Variants in LINGO2 observed in about 807,000 individuals in gnomAD.
LINGO2 encodes leucine-rich repeat and immunoglobulin-like domain-containing nogo receptor-interacting protein 2.
A neutral mutation model predicts 30.6 loss-of-function variants in LINGO2; 14 were observed. The observed-to-expected ratio is 0.46, with a 90% CI of 0.30 to 0.72. LINGO2 has a LOEUF of 0.72. Ranked by LOEUF, LINGO2 falls within the 30% of genes least tolerant of loss-of-function variation. The probability of loss-of-function intolerance (pLI) is 0.07; values close to 1 mark genes in which losing one functional copy is unlikely to be tolerated. For synonymous variants in LINGO2, 317 were observed against 288.5 expected, an observed-to-expected ratio of 1.10 and a Z score of -1.00; for missense variants, 729 against 751.7, an observed-to-expected ratio of 0.97 and a Z score of 0.35.
chr9:28,993,183 T>G, the LINGO2 span, among the ~76,000 whole-genome samples: 1 of 151,886 alleles, frequency 6.6e-6, no homozygotes. Context: ...ATAAAGGGGA[T>G]ATCACCACCA....
At chr9:28,318,186 A>G (rs980563332) in intron 3 of LINGO2, among the ~76,000 whole-genome samples, 4 of 152,198 alleles carry the variant, frequency 2.6e-5, no homozygotes, top group Non-Finnish European at 5.9e-5. Context: ...CTGTCCTTAT[A>G]AACACCTAAG....
intron 2 of LINGO2, among the ~76,000 whole-genome samples, chr9:28,474,690 T>C (rs1250542183): frequency 1.3e-5 from 2 of 152,198 alleles, no homozygotes; most frequent in African/African-American, 2.4e-5. Context: ...AAGGGTACTA[T>C]GAGAAGTCCT....
chr9:28,444,687 T>C (rs149162307), intron 2 of LINGO2, among the ~76,000 whole-genome samples: 26 of 152,272 alleles, frequency 1.7e-4, no homozygotes, highest in African/African-American at 6.0e-4. Context: ...AGTGGAAGTT[T>C]CTTGTGGTAT....
rs1031622427 is a variant in LINGO2, at chr9:28,295,329, T to A, written c.-208A>T. On this transcript the variant is annotated 5_prime_UTR_variant, in exon 4 of 6. The change abolishes an upstream ATG in the 5' untranslated region. Coordinates refer to ENST00000379992, the Ensembl canonical transcript of LINGO2. ...TTCCCGCATGTCATGGGCAGCAGCA[T>A]CTCTCAGAGTCCCACAAGCCAACTG... is the stretch of plus-strand genomic sequence containing the variant. 18 of 152,560 alleles carry A rather than the reference T, an allele frequency of 1.2e-4. No individual in the cohort carries two copies. Among genetic ancestry groups the A allele is most frequent in the Admixed American group, 7.9e-4 (12 of 15,252 alleles). 9.5% of individuals were successfully genotyped at this position (152,560 alleles called of 1,614,324 possible). A position where few individuals can be genotyped will look rare whatever the true frequency, so the allele number is the denominator to read the frequency against.
the LINGO2 span, among the ~76,000 whole-genome samples, chr9:29,043,347 T>G: frequency 1.3e-5 from 2 of 151,978 alleles, no homozygotes; most frequent in Non-Finnish European, 2.9e-5. Context: ...TTAGAATATC[T>G]TCTTCAATAT....
chr9:27,970,060 C>T (rs1415063057), intron 5 of LINGO2, among the ~76,000 whole-genome samples: 1 of 152,204 alleles, frequency 6.6e-6, no homozygotes, highest in East Asian at 1.9e-4. Flanking sequence ...TGCATGTTCT[C>T]AGCATGAAAA....
chr9:29,000,356 T>C, the LINGO2 span, among the ~76,000 whole-genome samples: 1 of 152,048 alleles, frequency 6.6e-6, no homozygotes, highest in South Asian at 2.1e-4. Context: ...AGTAAGTCAT[T>C]CCCAGAGTCT....
At chr9:28,095,830 C>G (rs1421865270) in intron 4 of LINGO2, among the ~76,000 whole-genome samples, 1 of 152,070 alleles carries the variant, frequency 6.6e-6, no homozygotes, top group Non-Finnish European at 1.5e-5. Context: ...GGGCTAACAT[C>G]AGAATCTACA....
the LINGO2 span, among the ~76,000 whole-genome samples, chr9:28,786,873 A>G: frequency 6.6e-6 from 1 of 152,182 alleles, no homozygotes; most frequent in African/African-American, 2.4e-5. Flanking sequence ...AGCAGGAACA[A>G]TGCTCAGAAA....
At chr9:28,637,352 G>A (rs1251369358) in intron 1 of LINGO2, among the ~76,000 whole-genome samples, 1 of 152,092 alleles carries the variant, frequency 6.6e-6, no homozygotes, top group African/African-American at 2.4e-5. Flanking sequence ...TGCCAATTCT[G>A]TGAAAAAAGT....
At chr9:28,699,180 A>G in the LINGO2 span, among the ~76,000 whole-genome samples, 4 of 152,010 alleles carry the variant, frequency 2.6e-5, no homozygotes, top group Admixed American at 2.6e-4. Context: ...TTAGTGTTAC[A>G]TTTTCTGTTG....
intron 4 of LINGO2, among the ~76,000 whole-genome samples, chr9:28,239,744 C>T (rs1464850820): frequency 6.6e-6 from 1 of 152,150 alleles, no homozygotes; most frequent in Non-Finnish European, 1.5e-5. Flanking sequence ...TGCTCACTTT[C>T]ACCATTGTTA....
intron 1 of LINGO2, among the ~76,000 whole-genome samples, chr9:28,615,866 T>C (rs1587964294): frequency 2.0e-5 from 3 of 152,132 alleles, no homozygotes; most frequent in African/African-American, 4.8e-5. Flanking sequence ...TTAAACAGCA[T>C]TGATGGATCT....
At chr9:28,861,867 G>A in the LINGO2 span, among the ~76,000 whole-genome samples, 1 of 151,944 alleles carries the variant, frequency 6.6e-6, no homozygotes, top group African/African-American at 2.4e-5. Flanking sequence ...TAAAGAAGTT[G>A]GGATTAAAAT....
At chr9:28,323,955 C>G (rs959262520) in intron 3 of LINGO2, among the ~76,000 whole-genome samples, 5 of 152,118 alleles carry the variant, frequency 3.3e-5, no homozygotes, top group Admixed American at 2.6e-4. Flanking sequence ...TCCAGGAAAC[C>G]TAACAGTACA....
intron 2 of LINGO2, among the ~76,000 whole-genome samples, chr9:28,374,204 TTTTA>T (rs74311913): frequency 0.15 from 13,259 of 87,354 alleles, 835 homozygotes; most frequent in Admixed American, 0.22. Context: ...AAAAATATGT[TTTTA>T]TTTATATATA....
At chr9:28,433,224 T>C (rs1166867948) in intron 2 of LINGO2, among the ~76,000 whole-genome samples, 1 of 152,098 alleles carries the variant, frequency 6.6e-6, no homozygotes, top group East Asian at 1.9e-4. Context: ...ATCTTGCAAA[T>C]AGGCTTCCTA....
chr9:28,252,739 T>G (rs1822248738), intron 4 of LINGO2, among the ~76,000 whole-genome samples: 1 of 152,092 alleles, frequency 6.6e-6, no homozygotes, highest in South Asian at 2.1e-4. Flanking sequence ...CTTCAACTCT[T>G]ACTTTATACC....
At chr9:29,199,313 T>C in the LINGO2 span, among the ~76,000 whole-genome samples, 1 of 152,108 alleles carries the variant, frequency 6.6e-6, no homozygotes, top group African/African-American at 2.4e-5. Context: ...AGTTCAGTCC[T>C]ACCATGTGTC....
Sources: allele counts gnomAD v4.1 joint callset (sites outside exome capture counted in the v4.1 genomes callset), GRCh38; gene constraint gnomAD v4.1.1; transcripts MANE v1.5; gene names NCBI Gene and HGNC (gene_info 2026-07-23, HGNC 2026-07-21).